Variants in GALNT13 observed in about 807,000 individuals in gnomAD.
The protein encoded by GALNT13 is UDP-GalNAc:polypeptide N-acetylgalactosaminyltransferase 13.
GALNT13 carries 28 observed loss-of-function variants against 64.2 expected under a neutral mutation model. That is an observed-to-expected ratio of 0.44 (90% CI 0.32 to 0.60). The LOEUF is 0.60. GALNT13 is among the 20% of genes least tolerant of loss of function. The pLI, the probability that GALNT13 is intolerant of heterozygous loss-of-function variation, is 0.05. For missense variants in GALNT13, 577 were observed against 669.8 expected (o/e 0.86, Z 1.53); for synonymous variants, 214 against 224.6 (o/e 0.95, Z 0.42).
chr2:153,646,473 T>A, the GALNT13 span, among the ~76,000 whole-genome samples: 9 of 137,444 alleles, frequency 6.5e-5, no homozygotes, highest in East Asian at 1.0e-3. Flanking sequence ...ATATATATAT[T>A]TTATTATACT....
At chr2:153,922,903 A>T (rs1399851841) in intron 2 of GALNT13, among the ~76,000 whole-genome samples, 2 of 151,610 alleles carry the variant, frequency 1.3e-5, no homozygotes, top group Non-Finnish European at 2.9e-5. Flanking sequence ...TTAATTTTTA[A>T]ATTTTTTATT....
At chr2:153,575,899 C>A in the GALNT13 span, among the ~76,000 whole-genome samples, 19 of 152,276 alleles carry the variant, frequency 1.2e-4, no homozygotes, top group African/African-American at 4.3e-4. Context: ...ACTTAAGGCC[C>A]TTGATGTAGT....
chr2:153,091,420 T>G, the GALNT13 span, among the ~76,000 whole-genome samples: 1 of 152,184 alleles, frequency 6.6e-6, no homozygotes, highest in African/African-American at 2.4e-5. Context: ...TGGGGATGTG[T>G]GTTCAGAGGC....
chr2:153,825,672 C>T, the GALNT13 span, among the ~76,000 whole-genome samples: 1 of 149,442 alleles, frequency 6.7e-6, no homozygotes, highest in Non-Finnish European at 1.5e-5. Context: ...AAACCTGCTG[C>T]ACCTGAGTTT....
chr2:153,260,903 G>C, the GALNT13 span, among the ~76,000 whole-genome samples: 1 of 150,032 alleles, frequency 6.7e-6, no homozygotes, highest in African/African-American at 2.5e-5. Flanking sequence ...TTTTCTTTTT[G>C]TCTCCCCTAG....
At chr2:153,093,382 A>G in the GALNT13 span, among the ~76,000 whole-genome samples, 1 of 151,516 alleles carries the variant, frequency 6.6e-6, no homozygotes, top group Non-Finnish European at 1.5e-5. Context: ...GGGACTACAG[A>G]TGCATGCCAC....
At chr2:154,311,013 CA>C (rs1368968785) in intron 9 of GALNT13, among the ~76,000 whole-genome samples, 1 of 74,330 alleles carries the variant, frequency 1.3e-5, no homozygotes, top group African/African-American at 9.0e-5. Context: ...AATGACAACA[CA>C]AAGTTTACTT....
At chr2:153,105,826 T>G in the GALNT13 span, among the ~76,000 whole-genome samples, 1 of 152,148 alleles carries the variant, frequency 6.6e-6, no homozygotes, top group African/African-American at 2.4e-5. Context: ...GAAGGACCTC[T>G]TCAAGGAGAA....
chr2:153,243,219 T>G, the GALNT13 span, among the ~76,000 whole-genome samples: 2 of 152,158 alleles, frequency 1.3e-5, no homozygotes, highest in Admixed American at 6.5e-5. Flanking sequence ...TGTAATGGAA[T>G]GCATGGTAGA....
chr2:153,137,427 T>C, the GALNT13 span, among the ~76,000 whole-genome samples: 1 of 152,106 alleles, frequency 6.6e-6, no homozygotes, highest in Non-Finnish European at 1.5e-5. Flanking sequence ...ACTCCAGGTC[T>C]GTCCTCAAGT....
At chr2:153,893,375 A>C (rs965517728) in intron 1 of GALNT13, among the ~76,000 whole-genome samples, 1 of 151,968 alleles carries the variant, frequency 6.6e-6, no homozygotes, top group Non-Finnish European at 1.5e-5. Flanking sequence ...GCTTTTGTTC[A>C]CTTTCAGCTT....
the GALNT13 span, among the ~76,000 whole-genome samples, chr2:153,134,274 T>C: frequency 1.1e-4 from 17 of 152,168 alleles, no homozygotes; most frequent in African/African-American, 3.4e-4. Context: ...GGCTCCTTTT[T>C]TTCCCCTGCC....
chr2:153,241,401 A>G, the GALNT13 span, among the ~76,000 whole-genome samples: 1 of 152,184 alleles, frequency 6.6e-6, no homozygotes. Flanking sequence ...GCTGGGATGG[A>G]AAATGCTAAT....
At chr2:154,044,725 G>A in intron 3 of GALNT13, among the ~76,000 whole-genome samples, 1 of 152,100 alleles carries the variant, frequency 6.6e-6, no homozygotes, top group East Asian at 1.9e-4. Context: ...GGAGAATGAA[G>A]GATAATTCTT....
chr2:153,569,222 T>G, the GALNT13 span, among the ~76,000 whole-genome samples: 1 of 152,190 alleles, frequency 6.6e-6, no homozygotes, highest in Non-Finnish European at 1.5e-5. Context: ...TGTCAATACT[T>G]ATTACTTTCT....
At chr2:153,154,848 A>T in the GALNT13 span, among the ~76,000 whole-genome samples, 3 of 152,072 alleles carry the variant, frequency 2.0e-5, no homozygotes, top group African/African-American at 7.2e-5. Flanking sequence ...ATTCAGTATG[A>T]TGTTGGTTGT....
chr2:153,557,195 T>C, the GALNT13 span, among the ~76,000 whole-genome samples: 3 of 152,164 alleles, frequency 2.0e-5, no homozygotes, highest in Non-Finnish European at 4.4e-5. Flanking sequence ...ATACTTAGCA[T>C]TGTGCTACAG....
the GALNT13 span, among the ~76,000 whole-genome samples, chr2:153,344,168 C>A: frequency 6.6e-6 from 1 of 151,988 alleles, no homozygotes. Context: ...TAATCATAAT[C>A]AAAAATTTAT....
the GALNT13 span, among the ~76,000 whole-genome samples, chr2:153,533,979 C>T: frequency 6.6e-6 from 1 of 151,298 alleles, no homozygotes; most frequent in Non-Finnish European, 1.5e-5. Flanking sequence ...CTCAAGCTAT[C>T]CTCCCACCTC....
Sources: gnomAD v4.1 joint callset for allele counts (sites outside exome capture counted in the v4.1 genomes callset) on GRCh38, gnomAD v4.1.1 for gene constraint, MANE v1.5 for transcripts, NCBI Gene and HGNC (gene_info 2026-07-23, HGNC 2026-07-21) for gene names.